The following UBE3C variants were observed in gnomAD, a reference collection of about 807,000 sequenced individuals.
UBE3C encodes the protein ubiquitin-protein ligase E3C.
UBE3C carries 42 observed loss-of-function variants against 129.4 expected under a neutral mutation model. That is an observed-to-expected ratio of 0.32 (90% CI 0.25 to 0.42). The LOEUF is 0.42. UBE3C is among the 10% of genes least tolerant of loss of function. UBE3C has a pLI of 1.00. For synonymous variants in UBE3C, 510 were observed against 492.4 expected, an observed-to-expected ratio of 1.04 and a Z score of -0.47; for missense variants, 1,049 against 1,319.1, an observed-to-expected ratio of 0.80 and a Z score of 3.17.
chr7:157,180,518 G>A (rs1054723054), intron 6 of UBE3C, among the ~76,000 whole-genome samples: 1 of 152,156 alleles, frequency 6.6e-6, no homozygotes, highest in Non-Finnish European at 1.5e-5. Flanking sequence ...ACTCAAATAC[G>A]AAGCTGTGTA....
intron 18 of UBE3C, among the ~76,000 whole-genome samples, chr7:157,242,807 A>G (rs772621686): frequency 5.4e-4 from 82 of 152,280 alleles, no homozygotes; most frequent in Non-Finnish European, 2.9e-4. Context: ...CTGTAATCCC[A>G]GCACTTTGGG....
At chr7:157,254,219 T>C in intron 20 of UBE3C, 25 bp from the exon 21 acceptor site, 2 of 1,610,450 alleles carry the variant, frequency 1.2e-6, no homozygotes, top group South Asian at 2.2e-5. Flanking sequence ...ACCTCAAATG[T>C]TATTATTTGA....
chr7:157,241,370 A>G (rs1423655832), intron 18 of UBE3C, among the ~76,000 whole-genome samples: 1 of 152,348 alleles, frequency 6.6e-6, no homozygotes, highest in East Asian at 1.9e-4. Flanking sequence ...TGTGGCATAT[A>G]TATGAAGGAC....
At chr7:157,147,767 T>C (rs1242014849) in intron 1 of UBE3C, among the ~76,000 whole-genome samples, 1 of 152,216 alleles carries the variant, frequency 6.6e-6, no homozygotes, top group Non-Finnish European at 1.5e-5. Flanking sequence ...TTGGGTTTTG[T>C]CAGATGCTTT....
intron 22 of UBE3C, 147 bp from the exon 23 acceptor site, chr7:157,267,438 A>G: frequency 9.8e-7 from 1 of 1,018,510 alleles, no homozygotes; most frequent in Non-Finnish European, 1.4e-6. Context: ...AACAAACAAC[A>G]ACAACAAAGC....
chr7:157,250,915 T>C (rs1796605986), intron 19 of UBE3C, among the ~76,000 whole-genome samples: 1 of 152,186 alleles, frequency 6.6e-6, no homozygotes. Context: ...CTGAAATAAA[T>C]GTTAATAGTG....
chr7:157,191,247 G>A (rs528445327), intron 10 of UBE3C, among the ~76,000 whole-genome samples: 2 of 152,256 alleles, frequency 1.3e-5, no homozygotes, highest in South Asian at 2.1e-4. Flanking sequence ...TTCTGTGCAC[G>A]CGCGTGTGTA....
intron 22 of UBE3C, among the ~76,000 whole-genome samples, chr7:157,261,030 C>T (rs963512639): frequency 3.9e-5 from 6 of 152,128 alleles, no homozygotes; most frequent in South Asian, 2.1e-4. Context: ...TGGCCAGGTG[C>T]GGTGGCTCAC....
intron 8 of UBE3C, among the ~76,000 whole-genome samples, chr7:157,183,302 C>A (rs113624164): frequency 0.013 from 1,947 of 152,248 alleles, 35 homozygotes; most frequent in African/African-American, 0.044. Flanking sequence ...GACCAACCTG[C>A]AAAAATGGGG....
chr7:157,232,571 T>C (rs934230057), intron 18 of UBE3C, among the ~76,000 whole-genome samples: 1 of 152,208 alleles, frequency 6.6e-6, no homozygotes, highest in Non-Finnish European at 1.5e-5. Flanking sequence ...AGAATGGTCT[T>C]TAACTCCTGA....
chr7:157,204,771 C>T (rs536080489), intron 11 of UBE3C, among the ~76,000 whole-genome samples: 12 of 152,292 alleles, frequency 7.9e-5, no homozygotes, highest in African/African-American at 2.9e-4. Context: ...GATGCTTTGC[C>T]CAGATGTCTT....
At chr7:157,167,123 G>GTTC (rs1348621253) in intron 2 of UBE3C, among the ~76,000 whole-genome samples, 1 of 152,098 alleles carries the variant, frequency 6.6e-6, no homozygotes, top group African/African-American at 2.4e-5. Context: ...TAGAGATGGA[G>GTTC]TTTCACCATG....
chr7:157,171,467 C>T (rs925974650), intron 4 of UBE3C, among the ~76,000 whole-genome samples: 2 of 151,332 alleles, frequency 1.3e-5, no homozygotes, highest in Non-Finnish European at 2.9e-5. Context: ...CAAATGTAAT[C>T]GTAGTTCTCT....
chr7:157,146,594 C>A (rs1027874980), intron 1 of UBE3C, among the ~76,000 whole-genome samples: 2 of 152,186 alleles, frequency 1.3e-5, no homozygotes, highest in Non-Finnish European at 2.9e-5. Flanking sequence ...TTGTCAATAC[C>A]ATACCATCTT....
chr7:157,150,399 C>G (rs1807724584), intron 1 of UBE3C, among the ~76,000 whole-genome samples: 1 of 150,804 alleles, frequency 6.6e-6, no homozygotes, highest in Non-Finnish European at 1.5e-5. Context: ...AAGAGTCTAA[C>G]AAGATATGTC....
At chr7:157,158,764 G>GT (rs1019073755) in intron 1 of UBE3C, among the ~76,000 whole-genome samples, 3 of 151,902 alleles carry the variant, frequency 2.0e-5, no homozygotes, top group African/African-American at 7.3e-5. Context: ...CCATGGGGAC[G>GT]TTTTTTTTCT....
In UBE3C at chr7:157,220,737, C is replaced by T. The variant is rs776105656; in HGVS notation, c.1963C>T (p.Arg655Trp). 2.5e-6 allele frequency: 4 copies of T among 1,614,116 alleles called. No homozygotes were observed. Among genetic ancestry groups the T allele is most frequent in the South Asian group, 1.1e-5 (1 of 91,080 alleles). Residue 655 changes from arginine (R) to tryptophan (W), a missense_variant, in exon 15 of 23, where the codon CGG (arginine) becomes TGG (tryptophan). This residue lies in a region of UBE3C where 314 missense variants were observed against 416.9 expected (regional missense o/e 0.75). Coordinates refer to ENST00000348165, the MANE Select transcript of UBE3C (RefSeq NM_014671.3). Reference protein sequence around the residue: ...PASRHVWRFRRMGRIGPLQST... With the variant: ...PASRHVWRFRWMGRIGPLQST... ...ATCCAGACATGTGTGGAGGTTCCGG[C>T]GGATGGGGAGGATAGGCCCGCTGCA...
intron 13 of UBE3C, 140 bp downstream of exon 13, chr7:157,208,075 TTTTTTTTTTTTTTTTTTG>T (rs1809489330): frequency 2.7e-6 from 1 of 377,320 alleles, no homozygotes; most frequent in Non-Finnish European, 3.9e-6. Flanking sequence ...TTTTTTTTTT[TTTTTTTTTTTTTTTTTTG>T]ATACATGGAC....
chr7:157,161,260 T>C (rs902567482), intron 1 of UBE3C, among the ~76,000 whole-genome samples: 2 of 152,218 alleles, frequency 1.3e-5, no homozygotes, highest in Non-Finnish European at 2.9e-5. Flanking sequence ...AATTGTACCA[T>C]TTTTGTAGCT....
Sources: allele counts gnomAD v4.1 joint callset (sites outside exome capture counted in the v4.1 genomes callset), GRCh38; gene constraint gnomAD v4.1.1; regional missense constraint gnomAD v4.1.1; transcripts MANE v1.5; gene names NCBI Gene and HGNC (gene_info 2026-07-23, HGNC 2026-07-21).